PRIM1: variants seen among roughly 807,000 people sequenced by gnomAD.
The protein encoded by PRIM1 is DNA primase small subunit.
In PRIM1, 38 loss-of-function variants were observed where a neutral mutation model predicts 60.2. That is an observed-to-expected ratio of 0.63 (90% CI 0.49 to 0.83). PRIM1 has a LOEUF of 0.83. Among genes scored for constraint, PRIM1 ranks in the 40% least tolerant of loss-of-function variants. The pLI, the probability that PRIM1 is intolerant of heterozygous loss-of-function variation, is 0.00. For missense variants in PRIM1, 388 were observed against 506.2 expected (o/e 0.77, Z 2.24); for synonymous variants, 158 against 160.2 (o/e 0.99, Z 0.10).
At chr12:56,733,535 A>C (rs894169756) in intron 12 of PRIM1, among the ~76,000 whole-genome samples, 3 of 151,178 alleles carry the variant, frequency 2.0e-5, no homozygotes, top group Non-Finnish European at 2.9e-5. Context: ...CTCAGAGTCC[A>C]TCAGATAAAA....
intron 9 of PRIM1, 104 bp from the exon 10 acceptor site, chr12:56,739,467 A>T: frequency 1.5e-6 from 1 of 665,002 alleles, no homozygotes; most frequent in Non-Finnish European, 2.4e-6. Context: ...AGGCTTAGAC[A>T]AAGGGTTAAA....
At chr12:56,750,923 G>A (rs1453233210) in intron 2 of PRIM1, 115 bp downstream of exon 2, 1 of 634,532 alleles carries the variant, frequency 1.6e-6, no homozygotes, top group Non-Finnish European at 2.3e-6. Flanking sequence ...CAATTAAAAA[G>A]TGGCTTTTCA....
chr12:56,743,015 C>A lies in PRIM1; in HGVS notation c.720G>T (p.Trp240Cys). 1 of 1,546,800 alleles carries A rather than the reference C, an allele frequency of 6.5e-7. No individual in the cohort carries two copies. The highest frequency in any genetic ancestry group is 1.2e-5 in the South Asian group (1 of 80,400). Residue 240 changes from tryptophan to cysteine, a missense_variant, in exon 7 of 13, where the codon TGG (tryptophan) becomes TGT (cysteine). By Grantham distance (215) the Trp-to-Cys change is radical (BLOSUM62 -2). Around this residue, in one of 3 missense-constraint regions of PRIM1, gnomAD observed 211 missense variants for 277.9 expected, o/e 0.76. Transcript: ENST00000338193. ...CAGGAACAAGGGCTAAAATCTTATC[C>A]CAGCTTTCTTTATTTTCGAGAATAT... ...NQDILENKES[W>C]DKILALVPET... is the part of the protein sequence containing the mutation.
At chr12:56,738,627 C>T (rs1463266220) in intron 10 of PRIM1, 102 bp from the exon 11 acceptor site, 7 of 1,192,342 alleles carry the variant, frequency 5.9e-6, no homozygotes, top group Non-Finnish European at 8.1e-6. Context: ...TCTTGGCTCA[C>T]TGCAACCTCC....
At chr12:56,750,668 C>T (rs1420634564) in intron 2 of PRIM1, among the ~76,000 whole-genome samples, 1 of 151,396 alleles carries the variant, frequency 6.6e-6, no homozygotes, top group Non-Finnish European at 1.5e-5. Context: ...TGGCTCACTG[C>T]AACCTCCACC....
chr12:56,738,473 C>T lies in PRIM1; in HGVS notation c.1105G>A (p.Glu369Lys). Residue 369 changes from glutamate to lysine, a missense_variant, in exon 11 of 13, where the codon GAG becomes AAG. Glu to Lys is a moderately conservative substitution (Grantham distance 56). Transcript: ENST00000338193. ...TTGACATCAGATTCAGCTTCATTCT[C>T]CTCTTTTTCCTCTTCATTAGTGGAA... is the stretch of plus-strand genomic sequence containing the variant. Reference protein sequence around the residue: ...AISTNEEEKEENEAESDVKHR... With the variant: ...AISTNEEEKEKNEAESDVKHR... 6.3e-7 allele frequency: 1 copy of T among 1,587,214 alleles called. No individual in the cohort carries two copies. Among genetic ancestry groups the T allele is most frequent in the Non-Finnish European group, 8.6e-7 (1 of 1,165,268 alleles).
chr12:56,734,311 T>C (rs1470124745), intron 11 of PRIM1, 66 bp from the exon 12 acceptor site: 2 of 1,009,192 alleles, frequency 2.0e-6, no homozygotes, highest in Non-Finnish European at 2.9e-6. Context: ...AAAACACAAC[T>C]AAGTTTCTTA....
At chr12:56,740,971 G>A (rs1490780371) in intron 9 of PRIM1, among the ~76,000 whole-genome samples, 1 of 151,930 alleles carries the variant, frequency 6.6e-6, no homozygotes, top group Non-Finnish European at 1.5e-5. Flanking sequence ...GCACCACCAC[G>A]TCTAGCTAAT....
chr12:56,733,603 T>G (rs1231971037), intron 12 of PRIM1, among the ~76,000 whole-genome samples: 1 of 151,570 alleles, frequency 6.6e-6, no homozygotes, highest in Non-Finnish European at 1.5e-5. Flanking sequence ...TTCTTTTTTT[T>G]TTTTGAGATG....
chr12:56,734,028 T>C (rs560779474), intron 12 of PRIM1, 119 bp downstream of exon 12: 4 of 634,318 alleles, frequency 6.3e-6, no homozygotes, highest in East Asian at 2.8e-5. Context: ...ACATTAAGGA[T>C]AGTAAGATAA....
chr12:56,749,234 C>G (rs544504539), intron 2 of PRIM1, among the ~76,000 whole-genome samples: 2 of 152,248 alleles, frequency 1.3e-5, no homozygotes, highest in East Asian at 3.9e-4. Flanking sequence ...GTCTTGAACT[C>G]CTGACCTCAA....
chr12:56,737,640 C>T (rs1214754461), intron 11 of PRIM1, among the ~76,000 whole-genome samples: 2 of 152,092 alleles, frequency 1.3e-5, no homozygotes, highest in Admixed American at 1.3e-4. Flanking sequence ...TGAGCCATCG[C>T]GCCTGGCCTG....
Position 56,741,748 on chromosome 12 carries a change from G to T in PRIM1, c.838C>A (p.Gln280Lys). The T allele has an allele frequency of 6.2e-7, 1 of 1,613,260 alleles. No homozygotes were observed. The highest frequency in any genetic ancestry group is 8.5e-7 in the Non-Finnish European group (1 of 1,179,348). The change falls in exon 8 of 13, where the codon CAG becomes AAG. Residue 280 changes from glutamine (Q) to lysine (K), a missense_variant and splice_region_variant. Gln to Lys is a moderately conservative substitution (Grantham distance 53). Transcript: ENST00000338193. The stretch of plus-strand genomic sequence containing the variant: ...ATACAGATTTCAGTGGCATATACCT[G>T]ATATCTGCTGGCTACTTTCTTCAAG... Reference protein sequence around the residue: ...EHLKKVASRYQNNIKNDKYGP... With the variant: ...EHLKKVASRYKNNIKNDKYGP...
At chr12:56,731,909 A>C (rs1309815321) in intron 12 of PRIM1, among the ~76,000 whole-genome samples, 175 bp from the exon 13 acceptor site, 1 of 152,218 alleles carries the variant, frequency 6.6e-6, no homozygotes, top group Non-Finnish European at 1.5e-5. Flanking sequence ...AACAGTGAGG[A>C]TACAAAGGAC....
At chr12:56,745,140 A>G (rs1953897612) in intron 5 of PRIM1, among the ~76,000 whole-genome samples, 1 of 151,854 alleles carries the variant, frequency 6.6e-6, no homozygotes, top group South Asian at 2.1e-4. Flanking sequence ...GGCTGGATGT[A>G]GTGGCTCACA....
At chr12:56,752,162 C>T (rs370893106) in intron 1 of PRIM1, 34 bp downstream of exon 1, 105 of 1,485,296 alleles carry the variant, frequency 7.1e-5, no homozygotes, top group Non-Finnish European at 9.0e-5. Flanking sequence ...CCTCCTCACA[C>T]TCCGCTCCCG....
chr12:56,749,020 T>C (rs1223034318), intron 2 of PRIM1, among the ~76,000 whole-genome samples: 1 of 151,738 alleles, frequency 6.6e-6, no homozygotes, highest in Non-Finnish European at 1.5e-5. Flanking sequence ...GGTAGCAGAA[T>C]TTTTTTTAGA....
intron 6 of PRIM1, 173 bp downstream of exon 6, chr12:56,743,892 C>T (rs1592334253): frequency 4.1e-6 from 2 of 489,550 alleles, no homozygotes; most frequent in African/African-American, 3.9e-5. Flanking sequence ...GCAATGAGAA[C>T]ATCTGTAAAG....
intron 2 of PRIM1, 128 bp from the exon 3 acceptor site, chr12:56,747,160 A>G (rs1953914172): frequency 2.9e-6 from 2 of 683,226 alleles, no homozygotes; most frequent in Admixed American, 5.5e-5. Flanking sequence ...ACTTTATGAC[A>G]GTGAAAGTTC....
Sources: gnomAD v4.1 joint callset for allele counts (sites outside exome capture counted in the v4.1 genomes callset) on GRCh38, gnomAD v4.1.1 for gene constraint, gnomAD v4.1.1 regional missense constraint, MANE v1.5 for transcripts, NCBI Gene and HGNC (gene_info 2026-07-23, HGNC 2026-07-21) for gene names.